Variants in NOTCH2 observed in about 807,000 individuals in gnomAD.
NOTCH2 encodes the protein neurogenic locus notch homolog protein 2.
Under a neutral mutation model 235.8 loss-of-function variants are expected in NOTCH2, and 29 were observed. That is an observed-to-expected ratio of 0.12 (90% CI 0.09 to 0.17). The LOEUF is 0.17. Ranked by LOEUF, NOTCH2 falls within the 10% of genes least tolerant of loss-of-function variation. NOTCH2 has a pLI of 1.00. For synonymous variants in NOTCH2, 1,086 were observed against 1,141.5 expected (o/e 0.95, Z 0.98); for missense variants, 2,285 against 3,150.2 (o/e 0.73, Z 6.57).
intron 10 of NOTCH2, 62 bp from the exon 11 acceptor site, chr1:119,963,869 C>G: frequency 7.4e-7 from 1 of 1,350,674 alleles, no homozygotes; most frequent in African/African-American, 1.4e-5. Context: ...CACCAGAACA[C>G]AAGTGTAGCT....
intron 11 of NOTCH2, among the ~76,000 whole-genome samples, chr1:119,960,798 C>T (rs1157795278): frequency 6.6e-6 from 1 of 152,004 alleles, no homozygotes; most frequent in African/African-American, 2.4e-5. Flanking sequence ...CTCAGCCTCC[C>T]GATTACAGGT....
At chr1:119,918,354 T>A in intron 32 of NOTCH2, 52 bp downstream of exon 32, 1 of 1,607,220 alleles carries the variant, frequency 6.2e-7, no homozygotes. Flanking sequence ...ATTCCCCTCG[T>A]CAGAGGCATG....
At chr1:119,983,917 A>G (rs1429307918) in intron 5 of NOTCH2, among the ~76,000 whole-genome samples, 3 of 152,208 alleles carry the variant, frequency 2.0e-5, no homozygotes, top group Admixed American at 1.3e-4. Flanking sequence ...AGTCTTATCC[A>G]TTCTTTTTCA....
intron 17 of NOTCH2, among the ~76,000 whole-genome samples, chr1:119,945,144 G>T (rs1448097545): frequency 6.6e-5 from 10 of 151,982 alleles, no homozygotes; most frequent in African/African-American, 2.4e-4. Flanking sequence ...ACGATTGAAG[G>T]TACATTATAA....
intron 4 of NOTCH2, chr1:119,995,850 TA>T (rs1231979785): frequency 6.6e-6 from 1 of 152,226 alleles, no homozygotes; most frequent in African/African-American, 2.4e-5. Context: ...ATGAAATGAA[TA>T]AATTACCAGT....
At position 119,923,583 on chromosome 1, in the gene NOTCH2, C is replaced by G. The variant is rs764261596; in HGVS notation, c.4859+54G>C. The G allele has an allele frequency of 9.5e-4, 1,394 of 1,471,448 alleles. No individual in the cohort carries two copies. The highest frequency in any genetic ancestry group is 1.3e-3 in the Non-Finnish European group (1,321 of 1,051,582). 91.1% of individuals were successfully genotyped at this position (1,471,448 alleles called of 1,614,324 possible). On this transcript the variant is annotated intron_variant, in intron 26 of 33. Transcript: ENST00000256646. ...TTGAGTTATGACTTGTGCTATATGTCAAAGTGCTAGGCTTCATAAAATTAG... is the reference window on the plus strand; with the variant it reads ...TTGAGTTATGACTTGTGCTATATGTGAAAGTGCTAGGCTTCATAAAATTAG...
intron 22 of NOTCH2, among the ~76,000 whole-genome samples, chr1:119,932,307 G>C (rs781570797): frequency 6.6e-6 from 1 of 152,162 alleles, no homozygotes; most frequent in Non-Finnish European, 1.5e-5. Context: ...GGAAGTTCAG[G>C]CTGGGTGTGG....
chr1:119,939,209 A>T (rs377451414), intron 19 of NOTCH2, among the ~76,000 whole-genome samples: 3 of 152,178 alleles, frequency 2.0e-5, no homozygotes, highest in Admixed American at 2.0e-4. Flanking sequence ...CCCCCACTCA[A>T]TGTTGTAACA....
intron 5 of NOTCH2, among the ~76,000 whole-genome samples, chr1:119,977,117 C>T (rs587594212): frequency 4.0e-4 from 61 of 152,202 alleles, no homozygotes; most frequent in African/African-American, 1.4e-3. Context: ...ACTGAATCCC[C>T]AGCATGAAAC....
intron 6 of NOTCH2, among the ~76,000 whole-genome samples, chr1:119,968,805 A>T (rs1169865773): frequency 6.6e-6 from 1 of 152,200 alleles, no homozygotes; most frequent in Non-Finnish European, 1.5e-5. Flanking sequence ...TATATAGTTC[A>T]CATGGGAACT....
chr1:119,915,813 G>A lies in NOTCH2; in HGVS notation c.6909C>T (p.Pro2303=), dbSNP rs1311553574. The A allele has an allele frequency of 1.9e-6, 3 of 1,613,512 alleles. No individual in the cohort carries two copies. The highest frequency in any genetic ancestry group is 2.5e-6 in the Non-Finnish European group (3 of 1,179,614). Residue 2303 remains proline, a synonymous_variant, in exon 34 of 34, where the codon CCC becomes CCT. Transcript: ENST00000256646. ...TAGGGATGAGCTGGAAAGTCACAAT[G>A]GGGGGCAAGGGCTCCCGAGGGGTGG... ...HITTPREPLP[P]IVTFQLIPKG...
chr1:119,938,469 G>A (rs1553196045), intron 19 of NOTCH2, among the ~76,000 whole-genome samples: 1 of 152,152 alleles, frequency 6.6e-6, no homozygotes, highest in East Asian at 1.9e-4. Context: ...GAATCCATGA[G>A]TAATAGCAGT....
At chr1:119,917,896 C>T (rs953510027) in intron 32 of NOTCH2, 134 bp from the exon 33 acceptor site, 28 of 698,106 alleles carry the variant, frequency 4.0e-5, no homozygotes, top group African/African-American at 3.7e-4. Context: ...ATAGGAAAAA[C>T]CAAAGTAATC....
At chr1:119,967,727 A>G (rs1371126901) in intron 7 of NOTCH2, 106 bp from the exon 8 acceptor site, 2 of 960,634 alleles carry the variant, frequency 2.1e-6, no homozygotes, top group East Asian at 2.4e-5. Context: ...CAGGCCTTCA[A>G]TAATATCATT....
intron 14 of NOTCH2, among the ~76,000 whole-genome samples, chr1:119,952,120 C>G (rs1328810396): frequency 6.6e-6 from 1 of 152,050 alleles, no homozygotes. Flanking sequence ...TAATGATTTA[C>G]CCACACGGCT....
chr1:119,987,946 C>T (rs587608540), intron 4 of NOTCH2, among the ~76,000 whole-genome samples: 2 of 152,248 alleles, frequency 1.3e-5, no homozygotes, highest in East Asian at 3.9e-4. Flanking sequence ...ATATGTTGGG[C>T]CTCTTACTTT....
In NOTCH2 at chr1:119,925,438, C is replaced by T. The variant is rs1649441739; in HGVS notation, c.4378G>A (p.Glu1460Lys). 6.2e-7 allele frequency: 1 copy of T among 1,614,170 alleles called. No individual in the cohort carries two copies. The highest frequency in any genetic ancestry group is 8.5e-7 in the Non-Finnish European group (1 of 1,180,008). Residue 1460 changes from glutamate to lysine, a missense_variant, in exon 25 of 34, where the codon GAG (glutamate) becomes AAG (lysine). This residue lies in a region of NOTCH2 where 1,173 missense variants were observed against 1,515.3 expected (regional missense o/e 0.77). Transcript: ENST00000256646. ...WDGGDCSLTMENPWANCSSPL... is the reference protein window; with the variant it reads ...WDGGDCSLTMKNPWANCSSPL... The stretch of plus-strand genomic sequence containing the variant: ...GAGGAGCAGTTGGCCCAGGGGTTCT[C>T]CATGGTGAGAGAACAGTCACCCCCA...
rs587717424 is a variant in NOTCH2 at position 119,943,361 on chromosome 1, G to T, written c.2753-1607C>A. ...CTGGGGGAAGAACCACCAGAAAGAA[G>T]TAGGCAGAATAATCCCTAGAGGTTT... is the stretch of plus-strand genomic sequence containing the variant. On this transcript the variant is annotated intron_variant, in intron 17 of 33. Transcript: ENST00000256646. Among the ~76,000 whole-genome samples, 10 of 152,244 alleles carry T rather than the reference G, an allele frequency of 6.6e-5. No homozygotes were observed. In the East Asian group the frequency reaches 1.9e-3, roughly 29 times the overall value.
rs141983016 is a variant in NOTCH2 at position 119,945,769 on chromosome 1, A to T, written c.2752+2645T>A. On this transcript the variant is annotated intron_variant, in intron 17 of 33. Coordinates refer to ENST00000256646, the MANE Select transcript of NOTCH2 (RefSeq NM_024408.4). The stretch of plus-strand genomic sequence containing the variant: ...AACAGATGAATATACAATGATAGTA[A>T]AAGATTTCAATACTCTTGAATAAGA... Among the ~76,000 whole-genome samples the T allele has an allele frequency of 5.3e-5, 8 of 152,226 alleles. No homozygotes were observed. In the East Asian group the frequency reaches 1.5e-3, roughly 29 times the overall value.
Sources: gnomAD v4.1 joint callset for allele counts (sites outside exome capture counted in the v4.1 genomes callset) on GRCh38, gnomAD v4.1.1 for gene constraint, gnomAD v4.1.1 regional missense constraint, MANE v1.5 for transcripts, NCBI Gene and HGNC (gene_info 2026-07-23, HGNC 2026-07-21) for gene names.